C12orf42: variants seen among roughly 807,000 people sequenced by gnomAD.
C12orf42 encodes the protein chromosome 12 open reading frame 42, also known as uncharacterized protein C12orf42.
C12orf42 carries 25 observed loss-of-function variants against 21.6 expected under a neutral mutation model. The ratio of observed to expected loss-of-function variants is 1.16; its 90% CI spans 0.84 to 1.62. The LOEUF (loss-of-function observed/expected upper bound fraction) is 1.62. Ranked by LOEUF, C12orf42 falls within the 40% of genes most tolerant of loss-of-function variation. The pLI is 0.00. For missense variants in C12orf42, 483 were observed against 459.3 expected, an observed-to-expected ratio of 1.05 and a Z score of -0.47; for synonymous variants, 174 against 175.0, an observed-to-expected ratio of 0.99 and a Z score of 0.05.
At chr12:103,056,345 G>C in the C12orf42 span, among the ~76,000 whole-genome samples, 20 of 152,220 alleles carry the variant, frequency 1.3e-4, no homozygotes, top group African/African-American at 4.6e-4. Context: ...TTTCTCCCTA[G>C]AGGTGCCATT....
At chr12:103,446,004 A>G (rs1951553782) in intron 2 of C12orf42, among the ~76,000 whole-genome samples, 2 of 151,978 alleles carry the variant, frequency 1.3e-5, no homozygotes, top group Admixed American at 6.6e-5. Context: ...TTCATCACCA[A>G]TCTATGGTAA....
chr12:103,543,889 T>G, the C12orf42 span, among the ~76,000 whole-genome samples: 5,432 of 88,046 alleles, frequency 0.062, 357 homozygotes, highest in African/African-American at 0.21. Flanking sequence ...GGTTTTTTTT[T>G]TGTTTTGTTT....
the C12orf42 span, among the ~76,000 whole-genome samples, chr12:103,563,638 G>T: frequency 6.6e-6 from 1 of 152,160 alleles, no homozygotes; most frequent in East Asian, 1.9e-4. Context: ...GACTATTGGG[G>T]TGACTCACCT....
intron 3 of C12orf42, among the ~76,000 whole-genome samples, chr12:103,372,069 C>T (rs1002972798): frequency 1.3e-5 from 2 of 152,060 alleles, no homozygotes; most frequent in African/African-American, 4.8e-5. Flanking sequence ...TAGAAGATCA[C>T]CCTGGCCTCC....
chr12:103,562,983 C>A, the C12orf42 span, among the ~76,000 whole-genome samples: 2 of 152,312 alleles, frequency 1.3e-5, no homozygotes, highest in South Asian at 4.1e-4. Flanking sequence ...TAAAATATGT[C>A]AATGCAGTGA....
At chr12:103,262,526 G>A (rs1369232011) in intron 10 of C12orf42, 1 of 152,130 alleles carries the variant, frequency 6.6e-6, no homozygotes, top group Non-Finnish European at 1.5e-5. Flanking sequence ...ACAATGATCA[G>A]TACTTTTATT....
chr12:103,402,547 T>G (rs960453750), intron 2 of C12orf42, among the ~76,000 whole-genome samples: 2 of 152,186 alleles, frequency 1.3e-5, no homozygotes, highest in African/African-American at 4.8e-5. Flanking sequence ...AGGATACAAG[T>G]ATATGTCAGA....
At chr12:103,179,543 C>A in the C12orf42 span, among the ~76,000 whole-genome samples, 1 of 152,114 alleles carries the variant, frequency 6.6e-6, no homozygotes, top group East Asian at 1.9e-4. Context: ...AATGTGAGAA[C>A]AGAAAAAGAG....
At chr12:103,100,769 C>T in the C12orf42 span, among the ~76,000 whole-genome samples, 1 of 152,132 alleles carries the variant, frequency 6.6e-6, no homozygotes, top group Non-Finnish European at 1.5e-5. Flanking sequence ...CAGTCTGGCT[C>T]TGCCCTATTT....
the C12orf42 span, among the ~76,000 whole-genome samples, chr12:103,112,343 G>A: frequency 6.6e-6 from 1 of 152,146 alleles, no homozygotes; most frequent in African/African-American, 2.4e-5. Context: ...TTTGATAGGT[G>A]GTCAGATTAT....
At chr12:103,142,958 G>A in the C12orf42 span, among the ~76,000 whole-genome samples, 1 of 152,128 alleles carries the variant, frequency 6.6e-6, no homozygotes, top group Non-Finnish European at 1.5e-5. Flanking sequence ...AAACTGCATT[G>A]TGGGGAAGCC....
At chr12:103,311,436 T>C (rs2038965259) in intron 4 of C12orf42, among the ~76,000 whole-genome samples, 1 of 152,038 alleles carries the variant, frequency 6.6e-6, no homozygotes, top group African/African-American at 2.4e-5. Context: ...AACCAGAACC[T>C]TCTAGTGTCT....
chr12:103,497,583 G>A (rs1023560425), upstream of C12orf42, among the ~76,000 whole-genome samples: 1 of 152,188 alleles, frequency 6.6e-6, no homozygotes, highest in Non-Finnish European at 1.5e-5. Context: ...TGTCTACTCT[G>A]TTACCATTCC....
At position 103,483,548 on chromosome 12, in the gene C12orf42, G is replaced by A. The variant is rs952785559; in HGVS notation, c.-21-5101C>T. Among the ~76,000 whole-genome samples, 10 of 152,014 alleles carry A rather than the reference G, an allele frequency of 6.6e-5. No individual in the cohort carries two copies. In the South Asian group the frequency reaches 1.2e-3, roughly 19 times the overall value. On this transcript the variant is annotated intron_variant, in intron 1 of 5. Transcript: ENST00000548883. ...TTTATGAGAGCTGGCTTGTAGTTAC[G>A]AAAATTATGGTTACGATTTTTCTTC...
chr12:103,106,268 A>G, the C12orf42 span, among the ~76,000 whole-genome samples: 6 of 152,232 alleles, frequency 3.9e-5, no homozygotes, highest in Middle Eastern at 3.4e-3. Context: ...TGACTGAGCC[A>G]GTTTATCACT....
At chr12:103,549,342 G>C in the C12orf42 span, among the ~76,000 whole-genome samples, 4 of 152,176 alleles carry the variant, frequency 2.6e-5, no homozygotes, top group Admixed American at 6.6e-5. Flanking sequence ...GCGTGTCTCA[G>C]ACTTCCGCAA....
At chr12:103,438,546 A>C (rs571772484) in intron 2 of C12orf42, among the ~76,000 whole-genome samples, 3,754 of 152,258 alleles carry the variant, frequency 0.025, 51 homozygotes, top group Non-Finnish European at 0.039. Flanking sequence ...GCTGATAAGC[A>C]ACTTCAGCAA....
the C12orf42 span, among the ~76,000 whole-genome samples, chr12:103,146,560 A>AAAGAAAG: frequency 2.5e-5 from 3 of 119,958 alleles, no homozygotes; most frequent in Admixed American, 9.1e-5. Context: ...ATAAAGAAAG[A>AAAGAAAG]AAAGAAAGAA....
chr12:103,522,472 C>T, the C12orf42 span, among the ~76,000 whole-genome samples: 1 of 152,156 alleles, frequency 6.6e-6, no homozygotes, highest in African/African-American at 2.4e-5. Flanking sequence ...GGCAACATTG[C>T]ACCTCAACAG....
Sources: gnomAD v4.1 joint callset for allele counts (sites outside exome capture counted in the v4.1 genomes callset) on GRCh38, gnomAD v4.1.1 for gene constraint, MANE v1.5 for transcripts, NCBI Gene and HGNC (gene_info 2026-07-23, HGNC 2026-07-21) for gene names.